PCED1B: variants seen among roughly 807,000 people sequenced by gnomAD.
The protein encoded by PCED1B is PC-esterase domain containing 1B, also known as PC-esterase domain-containing protein 1B.
For synonymous variants in PCED1B, 251 were observed against 246.1 expected (o/e 1.02, Z -0.19); for missense variants, 573 against 573.9 (o/e 1.00, Z 0.02).
intron 2 of PCED1B, among the ~76,000 whole-genome samples, chr12:47,137,450 T>C (rs1378662513): frequency 6.6e-6 from 1 of 152,194 alleles, no homozygotes; most frequent in African/African-American, 2.4e-5. Context: ...TAGATTCTTG[T>C]ATACGTTTTT....
intron 1 of PCED1B, among the ~76,000 whole-genome samples, chr12:47,095,073 T>G (rs1938431789): frequency 3.4e-5 from 1 of 29,142 alleles, no homozygotes; most frequent in African/African-American, 2.1e-4. Context: ...TGCCCACAAT[T>G]TTTTTTTTTT....
intron 1 of PCED1B, among the ~76,000 whole-genome samples, chr12:47,085,533 C>G (rs980850480): frequency 6.6e-6 from 1 of 152,160 alleles, no homozygotes; most frequent in Non-Finnish European, 1.5e-5. Flanking sequence ...CAAATAAATT[C>G]GGGTACATCC....
At chr12:47,150,838 T>A (rs908786024) in intron 2 of PCED1B, among the ~76,000 whole-genome samples, 5 of 152,082 alleles carry the variant, frequency 3.3e-5, no homozygotes, top group Admixed American at 1.3e-4. Flanking sequence ...GAGGGCCAGA[T>A]CATGTAGGCT....
chr12:47,170,684 T>TA (rs944257471), intron 2 of PCED1B, among the ~76,000 whole-genome samples: 4 of 152,220 alleles, frequency 2.6e-5, no homozygotes, highest in Non-Finnish European at 5.9e-5. Context: ...TTTTAAGCAT[T>TA]AAAAAACCAA....
intron 2 of PCED1B, among the ~76,000 whole-genome samples, chr12:47,207,502 A>G (rs965386052): frequency 1.3e-5 from 2 of 152,214 alleles, no homozygotes; most frequent in Admixed American, 6.5e-5. Context: ...CTCTCCTGAT[A>G]GGACAAGGAT....
At chr12:47,227,991 A>G (rs1236704710) in intron 3 of PCED1B, among the ~76,000 whole-genome samples, 1 of 151,696 alleles carries the variant, frequency 6.6e-6, no homozygotes, top group African/African-American at 2.4e-5. Flanking sequence ...TGAGGTTGTC[A>G]GTCTGCAGAA....
chr12:47,107,736 A>G (rs904379746), intron 2 of PCED1B, among the ~76,000 whole-genome samples: 2 of 152,196 alleles, frequency 1.3e-5, no homozygotes, highest in Non-Finnish European at 2.9e-5. Context: ...TGCAGGTGTC[A>G]CTAGACCTGG....
chr12:47,089,458 ATACATATATAT>A (rs1222742384), intron 1 of PCED1B, among the ~76,000 whole-genome samples: 891 of 46,788 alleles, frequency 0.019, 18 homozygotes, highest in African/African-American at 0.06. Flanking sequence ...AAAAAAAAAA[ATACATATATAT>A]ATATATATAT....
At chr12:47,132,759 C>T (rs1465045586) in intron 2 of PCED1B, among the ~76,000 whole-genome samples, 1 of 152,208 alleles carries the variant, frequency 6.6e-6, no homozygotes, top group Non-Finnish European at 1.5e-5. Context: ...AAACCTAAGC[C>T]ATGAGCTTCT....
At chr12:47,120,142 C>T (rs1434015796) in intron 2 of PCED1B, among the ~76,000 whole-genome samples, 1 of 152,100 alleles carries the variant, frequency 6.6e-6, no homozygotes, top group Admixed American at 6.5e-5. Context: ...TGAGATACCA[C>T]TTCACACCCA....
intron 2 of PCED1B, among the ~76,000 whole-genome samples, chr12:47,115,427 C>G (rs1229897966): frequency 6.6e-6 from 1 of 152,102 alleles, no homozygotes. Context: ...TGGACAAACA[C>G]AGAAGGTTTT....
chr12:47,172,937 T>C (rs1186495729), intron 2 of PCED1B, among the ~76,000 whole-genome samples: 1 of 152,096 alleles, frequency 6.6e-6, no homozygotes, highest in Non-Finnish European at 1.5e-5. Flanking sequence ...TACCAAAATG[T>C]TTTTGTGTGT....
At chr12:47,196,683 C>T (rs972723591) in intron 2 of PCED1B, among the ~76,000 whole-genome samples, 4 of 152,124 alleles carry the variant, frequency 2.6e-5, no homozygotes, top group Non-Finnish European at 5.9e-5. Context: ...CAAAAATTAT[C>T]TGGGCGTGGT....
At chr12:47,167,093 A>G (rs1034154303) in intron 2 of PCED1B, among the ~76,000 whole-genome samples, 3 of 152,144 alleles carry the variant, frequency 2.0e-5, no homozygotes, top group African/African-American at 7.2e-5. Flanking sequence ...TTCTCCATTG[A>G]TAAGAGTTAT....
chr12:47,122,512 A>G (rs1037632302), intron 2 of PCED1B, among the ~76,000 whole-genome samples: 1 of 152,254 alleles, frequency 6.6e-6, no homozygotes, highest in Non-Finnish European at 1.5e-5. Context: ...GTAATAGAAA[A>G]TCATTAAACA....
chr12:47,169,287 A>G (rs997850124), intron 2 of PCED1B, among the ~76,000 whole-genome samples: 1 of 152,212 alleles, frequency 6.6e-6, no homozygotes, highest in Admixed American at 6.5e-5. Context: ...AATTCCTCTC[A>G]ACATCCCTCC....
intron 2 of PCED1B, among the ~76,000 whole-genome samples, chr12:47,106,549 G>A (rs140598121): frequency 1.3e-5 from 2 of 152,138 alleles, no homozygotes; most frequent in African/African-American, 2.4e-5. Flanking sequence ...CAGCAAACGC[G>A]CCTCTCAACC....
At chr12:47,114,155 C>T (rs185532588) in intron 2 of PCED1B, among the ~76,000 whole-genome samples, 63 of 152,226 alleles carry the variant, frequency 4.1e-4, no homozygotes, top group Non-Finnish European at 6.3e-4. Flanking sequence ...ACAGAGAGAG[C>T]AGCTATCAGA....
chr12:47,233,528 C>T (rs555887221), intron 3 of PCED1B, among the ~76,000 whole-genome samples: 73 of 152,230 alleles, frequency 4.8e-4, no homozygotes, highest in Non-Finnish European at 8.8e-4. Flanking sequence ...GGGGAAGTGA[C>T]TGGGAAATAA....
Sources: gnomAD v4.1 joint callset for allele counts (sites outside exome capture counted in the v4.1 genomes callset) on GRCh38, gnomAD v4.1.1 for gene constraint, MANE v1.5 for transcripts, NCBI Gene and HGNC (gene_info 2026-07-23, HGNC 2026-07-21) for gene names.